Variants in ZBTB20 observed in about 807,000 individuals in gnomAD.
The protein encoded by ZBTB20 is zinc finger and BTB domain-containing protein 20.
In ZBTB20, 9 loss-of-function variants were observed where a neutral mutation model predicts 56.9. The ratio of observed to expected loss-of-function variants is 0.16; its 90% CI spans 0.10 to 0.28. The LOEUF (loss-of-function observed/expected upper bound fraction) is 0.28, where lower values mean the gene tolerates loss of function less well. Ranked by LOEUF, ZBTB20 falls within the 10% of genes least tolerant of loss-of-function variation. The probability of loss-of-function intolerance (pLI) is 1.00; values close to 1 mark genes in which losing one functional copy is unlikely to be tolerated. For missense variants in ZBTB20, 655 were observed against 1,003.0 expected, an observed-to-expected ratio of 0.65 and a Z score of 4.69; for synonymous variants, 417 against 420.7, an observed-to-expected ratio of 0.99 and a Z score of 0.11.
At chr3:114,646,833 T>A (rs1173616775) in intron 6 of ZBTB20, among the ~76,000 whole-genome samples, 1 of 152,176 alleles carries the variant, frequency 6.6e-6, no homozygotes, top group African/African-American at 2.4e-5. Flanking sequence ...GCAGATTAAG[T>A]AGAAGGGATG....
At chr3:114,755,228 C>T (rs1560212284) in intron 5 of ZBTB20, among the ~76,000 whole-genome samples, 2 of 152,096 alleles carry the variant, frequency 1.3e-5, no homozygotes, top group Admixed American at 6.6e-5. Flanking sequence ...CTTTTCAATA[C>T]GAAGAGAAGA....
rs115199411 is a variant in ZBTB20 at position 115,028,933 on chromosome 3, A to G, written c.-507+42286T>C. 5.0e-3 allele frequency among the ~76,000 whole-genome samples: 753 copies of G among 150,866 alleles called. 4 individuals carry two copies. Among genetic ancestry groups the G allele is most frequent in the Middle Eastern group, 0.01 (3 of 294 alleles). The stretch of plus-strand genomic sequence containing the variant: ...AAGAGAAAAACAAACTCTTGCTAGC[A>G]CTTATTATTATAATTTGGAAGCTCC... On this transcript the variant is annotated intron_variant, in intron 2 of 11. Coordinates refer to ENST00000675478, the MANE Select transcript of ZBTB20 (RefSeq NM_001348800.3).
intron 10 of ZBTB20, among the ~76,000 whole-genome samples, chr3:114,361,099 G>A (rs1047360290): frequency 6.6e-6 from 1 of 152,034 alleles, no homozygotes; most frequent in African/African-American, 2.4e-5. Context: ...AAGACATTGA[G>A]CTATAGAAGT....
At chr3:114,455,476 T>C (rs1203325011) in intron 7 of ZBTB20, among the ~76,000 whole-genome samples, 1 of 152,130 alleles carries the variant, frequency 6.6e-6, no homozygotes, top group African/African-American at 2.4e-5. Context: ...ACCATAGATA[T>C]TTATGTGCAG....
intron 6 of ZBTB20, among the ~76,000 whole-genome samples, chr3:114,558,779 T>C (rs2051607676): frequency 6.6e-6 from 1 of 152,152 alleles, no homozygotes; most frequent in South Asian, 2.1e-4. Flanking sequence ...CTACAGCCTA[T>C]ATAGTCTGGT....
chr3:114,445,110 T>C (rs1442929779), intron 7 of ZBTB20, among the ~76,000 whole-genome samples: 1 of 152,174 alleles, frequency 6.6e-6, no homozygotes, highest in Admixed American at 6.6e-5. Flanking sequence ...AACAATAGCA[T>C]AACAAGTTGC....
chr3:114,441,820 A>G (rs1338876157), intron 7 of ZBTB20, among the ~76,000 whole-genome samples: 3 of 152,168 alleles, frequency 2.0e-5, no homozygotes, highest in South Asian at 4.1e-4. Flanking sequence ...GGAAGATTAC[A>G]GAGTCCAAAC....
At chr3:114,507,789 A>G (rs1244083265) in intron 6 of ZBTB20, among the ~76,000 whole-genome samples, 1 of 152,310 alleles carries the variant, frequency 6.6e-6, no homozygotes, top group East Asian at 1.9e-4. Context: ...TAAAAATTAT[A>G]CAGAATCACA....
chr3:114,496,560 A>G (rs1421205827), intron 7 of ZBTB20, among the ~76,000 whole-genome samples: 1 of 152,216 alleles, frequency 6.6e-6, no homozygotes, highest in African/African-American at 2.4e-5. Context: ...ACACCCACGC[A>G]TATCCTCCCA....
intron 2 of ZBTB20, 71 bp downstream of exon 2, chr3:115,071,148 C>T (rs987320040): frequency 6.6e-6 from 1 of 152,102 alleles, no homozygotes; most frequent in African/African-American, 2.4e-5. Flanking sequence ...CAGAGAATTT[C>T]AGAGTCAAGG....
At chr3:114,862,583 T>C (rs1028656874) in intron 4 of ZBTB20, among the ~76,000 whole-genome samples, 4 of 152,174 alleles carry the variant, frequency 2.6e-5, no homozygotes, top group Non-Finnish European at 5.9e-5. Context: ...CTAAGAGATC[T>C]AGTTCTAGGA....
intron 6 of ZBTB20, among the ~76,000 whole-genome samples, chr3:114,685,020 T>C (rs1465259342): frequency 6.6e-6 from 1 of 152,202 alleles, no homozygotes; most frequent in African/African-American, 2.4e-5. Context: ...GCTTCCTTTT[T>C]CTTTTATGCT....
At chr3:114,458,817 G>C (rs1388869626) in intron 7 of ZBTB20, among the ~76,000 whole-genome samples, 2 of 151,866 alleles carry the variant, frequency 1.3e-5, no homozygotes, top group African/African-American at 4.8e-5. Flanking sequence ...ATAAGCTTAG[G>C]AAAGTTTGAC....
intron 3 of ZBTB20, among the ~76,000 whole-genome samples, chr3:114,957,787 AG>A (rs1185750173): frequency 1.1e-4 from 16 of 152,328 alleles, no homozygotes; most frequent in African/African-American, 3.6e-4. Context: ...ATATCTGATG[AG>A]AAGCAAGTGT....
chr3:114,552,947 A>T (rs142113049), intron 6 of ZBTB20, among the ~76,000 whole-genome samples: 16 of 152,350 alleles, frequency 1.1e-4, no homozygotes, highest in African/African-American at 3.8e-4. Flanking sequence ...CACAAAAAAT[A>T]AGTCCAAGCT....
chr3:114,669,155 A>G (rs374557772), intron 6 of ZBTB20, among the ~76,000 whole-genome samples: 154 of 152,164 alleles, frequency 1.0e-3, no homozygotes, highest in African/African-American at 3.5e-3. Flanking sequence ...TCCAATGGGG[A>G]GAGGTCAGAA....
chr3:115,026,186 G>GT (rs2080414787), intron 2 of ZBTB20, among the ~76,000 whole-genome samples: 1 of 150,814 alleles, frequency 6.6e-6, no homozygotes, highest in African/African-American at 2.4e-5. Context: ...GAAAACTGAA[G>GT]TAAGTTAGGT....
chr3:114,435,799 T>C (rs972007931), intron 7 of ZBTB20, among the ~76,000 whole-genome samples: 4 of 152,216 alleles, frequency 2.6e-5, no homozygotes, highest in Admixed American at 6.5e-5. Flanking sequence ...TGCTAGCTCC[T>C]ATGTTAGCTA....
At chr3:114,424,590 G>T (rs1433032115) in intron 7 of ZBTB20, among the ~76,000 whole-genome samples, 1 of 152,166 alleles carries the variant, frequency 6.6e-6, no homozygotes, top group African/African-American at 2.4e-5. Context: ...ATTAACATGG[G>T]AGCAAAGCGC....
Sources: gnomAD v4.1 joint callset for allele counts (sites outside exome capture counted in the v4.1 genomes callset) on GRCh38, gnomAD v4.1.1 for gene constraint, MANE v1.5 for transcripts, NCBI Gene and HGNC (gene_info 2026-07-23, HGNC 2026-07-21) for gene names.